MYO16: variants seen among roughly 807,000 people sequenced by gnomAD.
The protein encoded by MYO16 is unconventional myosin-XVI.
In MYO16, 94 loss-of-function variants were observed where a neutral mutation model predicts 205.3. That is an observed-to-expected ratio of 0.46 (90% CI 0.39 to 0.54). The LOEUF is 0.54. Ranked by LOEUF, MYO16 falls within the 20% of genes least tolerant of loss-of-function variation. The pLI is 0.00. For synonymous variants in MYO16, 988 were observed against 954.0 expected (o/e 1.04, Z -0.66); for missense variants, 2,315 against 2,387.5 (o/e 0.97, Z 0.63).
intron 13 of MYO16, among the ~76,000 whole-genome samples, chr13:108,885,555 T>A (rs1879828809): frequency 6.6e-6 from 1 of 152,232 alleles, no homozygotes; most frequent in Non-Finnish European, 1.5e-5. Context: ...GAAAACTTTT[T>A]AAAAGTTGCT....
chr13:108,741,223 G>A (rs554123991), intron 4 of MYO16, among the ~76,000 whole-genome samples: 2 of 152,254 alleles, frequency 1.3e-5, no homozygotes, highest in South Asian at 2.1e-4. Context: ...CTTCTGCGTC[G>A]CTCACGCTGG....
At chr13:109,177,363 C>A (rs12867141) in intron 33 of MYO16, among the ~76,000 whole-genome samples, 1 of 152,134 alleles carries the variant, frequency 6.6e-6, no homozygotes. Flanking sequence ...CCTTATGCAG[C>A]GGTTGCTCAT....
intron 9 of MYO16, among the ~76,000 whole-genome samples, chr13:108,836,853 C>G (rs1430531894): frequency 6.6e-6 from 1 of 152,152 alleles, no homozygotes; most frequent in East Asian, 1.9e-4. Context: ...TAGGAAGTAA[C>G]TAACTTGCTT....
At chr13:108,699,122 A>G (rs985889417) in intron 2 of MYO16, among the ~76,000 whole-genome samples, 4 of 150,954 alleles carry the variant, frequency 2.6e-5, no homozygotes, top group Admixed American at 1.3e-4. Context: ...GTGTGTGTGT[A>G]TATACACATA....
chr13:108,712,427 C>T (rs988662135), intron 2 of MYO16, among the ~76,000 whole-genome samples: 8 of 152,352 alleles, frequency 5.3e-5, no homozygotes, highest in African/African-American at 1.9e-4. Flanking sequence ...TTCACTTTCT[C>T]ATTCATTTGC....
intron 6 of MYO16, among the ~76,000 whole-genome samples, chr13:108,803,665 G>C (rs907391200): frequency 7.9e-5 from 12 of 152,148 alleles, no homozygotes; most frequent in African/African-American, 2.9e-4. Flanking sequence ...TTCTAGAGTA[G>C]ACTCAGACTC....
chr13:108,728,169 G>A (rs1315898174), intron 4 of MYO16, among the ~76,000 whole-genome samples: 1 of 152,010 alleles, frequency 6.6e-6, no homozygotes, highest in Admixed American at 6.6e-5. Flanking sequence ...AAAACACACT[G>A]GAATATATGA....
intron 1 of MYO16, among the ~76,000 whole-genome samples, chr13:108,597,347 C>T (rs958618917): frequency 6.6e-6 from 1 of 152,162 alleles, no homozygotes; most frequent in Non-Finnish European, 1.5e-5. Context: ...CAGAGCAAAA[C>T]ATTTAACTAT....
At chr13:108,968,749 C>T (rs1566437926) in intron 20 of MYO16, among the ~76,000 whole-genome samples, 1 of 152,168 alleles carries the variant, frequency 6.6e-6, no homozygotes, top group South Asian at 2.1e-4. Flanking sequence ...GCCTGCTGCG[C>T]CCCTGACTCA....
At chr13:108,574,122 C>A in the MYO16 span, among the ~76,000 whole-genome samples, 1 of 152,126 alleles carries the variant, frequency 6.6e-6, no homozygotes, top group South Asian at 2.1e-4. Flanking sequence ...TAAAGTGCTG[C>A]GATTACAGGC....
At chr13:108,890,374 G>C (rs1445917537) in intron 14 of MYO16, among the ~76,000 whole-genome samples, 3 of 152,142 alleles carry the variant, frequency 2.0e-5, no homozygotes, top group Non-Finnish European at 4.4e-5. Context: ...CTTTGAGACT[G>C]TTCTAAGTTG....
the MYO16 span, among the ~76,000 whole-genome samples, chr13:108,533,186 A>T: frequency 1.9e-3 from 287 of 152,310 alleles, 2 homozygotes; most frequent in African/African-American, 6.7e-3. Context: ...TTACATAGCT[A>T]GTAGCAACCT....
At chr13:108,554,847 C>G in the MYO16 span, among the ~76,000 whole-genome samples, 1 of 43,588 alleles carries the variant, frequency 2.3e-5, no homozygotes, top group African/African-American at 1.1e-4. Flanking sequence ...GAGACTCTGA[C>G]TAAAAAAAAA....
chr13:109,094,649 A>T (rs1888723365), intron 27 of MYO16, among the ~76,000 whole-genome samples: 1 of 152,116 alleles, frequency 6.6e-6, no homozygotes. Flanking sequence ...TACATTAGGT[A>T]TTTCTTCTAA....
chr13:108,976,933 G>A (rs73616468), intron 20 of MYO16, among the ~76,000 whole-genome samples: 2,078 of 152,162 alleles, frequency 0.014, 37 homozygotes, highest in African/African-American at 0.047. Flanking sequence ...CATAAAAGAC[G>A]TAGATGATTA....
the MYO16 span, among the ~76,000 whole-genome samples, chr13:108,529,645 A>G: frequency 6.6e-6 from 1 of 152,162 alleles, no homozygotes; most frequent in Non-Finnish European, 1.5e-5. Flanking sequence ...CTGACAGTTA[A>G]TTGTGAAGTG....
chr13:108,874,926 G>A (rs554266741), intron 12 of MYO16, among the ~76,000 whole-genome samples: 3 of 152,072 alleles, frequency 2.0e-5, no homozygotes, highest in South Asian at 2.1e-4. Context: ...TTCTAGGCTC[G>A]CCAGAGATGG....
intron 1 of MYO16, among the ~76,000 whole-genome samples, chr13:108,631,942 G>A (rs1594159124): frequency 1.3e-5 from 2 of 152,206 alleles, no homozygotes; most frequent in African/African-American, 2.4e-5. Context: ...GCTGGGTGTG[G>A]TGGTGGGAGC....
chr13:109,154,039 A>G (rs1365554118), intron 32 of MYO16, among the ~76,000 whole-genome samples: 1 of 152,264 alleles, frequency 6.6e-6, no homozygotes, highest in Admixed American at 6.5e-5. Flanking sequence ...ATCTACCACC[A>G]GAAAGAGATG....
Sources: gnomAD v4.1 joint callset for allele counts (sites outside exome capture counted in the v4.1 genomes callset) on GRCh38, gnomAD v4.1.1 for gene constraint, MANE v1.5 for transcripts, NCBI Gene and HGNC (gene_info 2026-07-23, HGNC 2026-07-21) for gene names.